The following TRPC4 variants were observed in gnomAD, a reference collection of about 807,000 sequenced individuals.
TRPC4 encodes the protein transient receptor potential cation channel subfamily C member 4.
A neutral mutation model predicts 99.4 loss-of-function variants in TRPC4; 49 were observed. That is an observed-to-expected ratio of 0.49 (90% confidence interval 0.39 to 0.63). TRPC4 has a LOEUF of 0.63. TRPC4 is among the 20% of genes least tolerant of loss of function. The pLI is 0.00. For missense variants in TRPC4, 898 were observed against 1,152.9 expected, an observed-to-expected ratio of 0.78 and a Z score of 3.20; for synonymous variants, 454 against 425.9, an observed-to-expected ratio of 1.07 and a Z score of -0.81.
chr13:37,729,109 T>G (rs1387174514), intron 3 of TRPC4, among the ~76,000 whole-genome samples: 1 of 152,032 alleles, frequency 6.6e-6, no homozygotes, highest in Non-Finnish European at 1.5e-5. Flanking sequence ...ATATTGGACT[T>G]GGCAATAATT....
At chr13:37,769,918 T>C (rs1205020403) in intron 2 of TRPC4, among the ~76,000 whole-genome samples, 1 of 151,452 alleles carries the variant, frequency 6.6e-6, no homozygotes, top group Non-Finnish European at 1.5e-5. Flanking sequence ...ATGAATTTTT[T>C]CTAATTTCTA....
At chr13:37,652,523 G>C (rs1252996327) in intron 7 of TRPC4, among the ~76,000 whole-genome samples, 1 of 152,204 alleles carries the variant, frequency 6.6e-6, no homozygotes, top group Non-Finnish European at 1.5e-5. Flanking sequence ...CAAATGTTTG[G>C]TAATATGGAT....
intron 1 of TRPC4, among the ~76,000 whole-genome samples, chr13:37,818,705 A>G (rs1225793122): frequency 1.3e-5 from 2 of 152,172 alleles, no homozygotes; most frequent in Non-Finnish European, 2.9e-5. Flanking sequence ...GCAGGAACAG[A>G]AAACCAAACA....
chr13:37,797,171 C>T (rs961351058), intron 1 of TRPC4, among the ~76,000 whole-genome samples: 5 of 151,100 alleles, frequency 3.3e-5, no homozygotes, highest in African/African-American at 4.9e-5. Context: ...CACAGCAAGA[C>T]CTGTCTTAAA....
intron 1 of TRPC4, among the ~76,000 whole-genome samples, chr13:37,795,506 G>A (rs77998628): frequency 6.6e-6 from 1 of 152,248 alleles, no homozygotes; most frequent in East Asian, 1.9e-4. Flanking sequence ...GCTCTATCAG[G>A]GGGGTAAGAA....
intron 1 of TRPC4, among the ~76,000 whole-genome samples, chr13:37,820,845 AG>A (rs1447341555): frequency 2.6e-5 from 4 of 152,134 alleles, no homozygotes; most frequent in Admixed American, 2.0e-4. Flanking sequence ...AATGGGCAAA[AG>A]CTAGAAGCAT....
intron 1 of TRPC4, among the ~76,000 whole-genome samples, chr13:37,785,742 G>A (rs1956954574): frequency 1.3e-5 from 2 of 151,900 alleles, no homozygotes; most frequent in Admixed American, 1.3e-4. Context: ...ATCAAATAAA[G>A]AATTAGGTAG....
chr13:37,846,752 TA>T, intron 1 of TRPC4, among the ~76,000 whole-genome samples: 1 of 152,066 alleles, frequency 6.6e-6, no homozygotes, highest in Middle Eastern at 3.4e-3. Context: ...AATTCTTCAA[TA>T]AAAAGACATA....
chr13:37,722,831 A>G (rs1954919376), intron 3 of TRPC4, among the ~76,000 whole-genome samples: 1 of 152,182 alleles, frequency 6.6e-6, no homozygotes, highest in Non-Finnish European at 1.5e-5. Flanking sequence ...AAAAAAGATG[A>G]ACATGACTAA....
rs868691629 is a variant in TRPC4, at chr13:37,716,116, C to T, written c.898-23781G>A. Among the ~76,000 whole-genome samples, 136 of 145,950 alleles carry T rather than the reference C, an allele frequency of 9.3e-4. 2 individuals carry two copies. Among genetic ancestry groups the T allele is most frequent in the Non-Finnish European group, 1.6e-3 (103 of 65,744 alleles). On this transcript the variant is annotated intron_variant, in intron 3 of 10. Transcript: ENST00000379705. ...AAGAGAAACATGAAAACTTTTTTTT[C>T]TCCTTGCTGCAAATCAAAAGCCAAG...
intron 1 of TRPC4, among the ~76,000 whole-genome samples, chr13:37,863,599 C>G (rs1959542116): frequency 6.6e-6 from 1 of 151,564 alleles, no homozygotes; most frequent in African/African-American, 2.4e-5. Flanking sequence ...TGATTCAGGG[C>G]ATGCAGCTTC....
chr13:37,758,019 A>G (rs1387633146), intron 2 of TRPC4, among the ~76,000 whole-genome samples: 2 of 151,966 alleles, frequency 1.3e-5, no homozygotes, highest in Non-Finnish European at 2.9e-5. Flanking sequence ...GTGGGCCTGT[A>G]TATTTCAGTT....
intron 2 of TRPC4, among the ~76,000 whole-genome samples, chr13:37,777,960 A>T (rs1050720454): frequency 6.6e-6 from 1 of 151,974 alleles, no homozygotes; most frequent in Non-Finnish European, 1.5e-5. Flanking sequence ...GCTTCTAATG[A>T]CTTTGTTATT....
intron 1 of TRPC4, among the ~76,000 whole-genome samples, chr13:37,819,046 G>A (rs1957941438): frequency 6.6e-6 from 1 of 151,736 alleles, no homozygotes; most frequent in South Asian, 2.1e-4. Context: ...TTTCAAAAAA[G>A]ACATAATTGT....
Position 37,714,593 on chromosome 13 carries a change from C to A in TRPC4, c.898-22258G>T, listed in dbSNP as rs76291775. Among the ~76,000 whole-genome samples, 22 of 152,260 alleles carry A rather than the reference C, an allele frequency of 1.4e-4. No homozygotes were observed. In the East Asian group the frequency reaches 4.3e-3, roughly 29 times the overall value. ...TAAAAACTAAAATTCTTAAAGAGGA[C>A]ACGCCCAATCTCACCTCTGCCTACT... On this transcript the variant is annotated intron_variant, in intron 3 of 10. Coordinates refer to ENST00000379705, the MANE Select transcript of TRPC4 (RefSeq NM_016179.4).
intron 1 of TRPC4, among the ~76,000 whole-genome samples, chr13:37,863,851 T>C (rs1959560623): frequency 6.6e-6 from 1 of 151,650 alleles, no homozygotes; most frequent in Non-Finnish European, 1.5e-5. Flanking sequence ...AATTCAATCA[T>C]CTATGCATTC....
chr13:37,644,872 C>CA (rs11446579), intron 8 of TRPC4, among the ~76,000 whole-genome samples: 22,323 of 81,448 alleles, frequency 0.27, 4,020 homozygotes, highest in East Asian at 0.66. Flanking sequence ...GACTCCATCT[C>CA]AAAAAAAAAA....
At chr13:37,722,958 C>T (rs550743224) in intron 3 of TRPC4, among the ~76,000 whole-genome samples, 1 of 152,182 alleles carries the variant, frequency 6.6e-6, no homozygotes, top group African/African-American at 2.4e-5. Flanking sequence ...TAGGTGTACA[C>T]AGAAGGGATA....
At chr13:37,667,235 A>C (rs143734969) in intron 5 of TRPC4, among the ~76,000 whole-genome samples, 1,727 of 152,256 alleles carry the variant, frequency 0.011, 41 homozygotes, top group African/African-American at 0.04. Context: ...TATTTCTCAG[A>C]TATAACTGCA....
Sources: gnomAD v4.1 joint callset for allele counts (sites outside exome capture counted in the v4.1 genomes callset) on GRCh38, gnomAD v4.1.1 for gene constraint, MANE v1.5 for transcripts, NCBI Gene and HGNC (gene_info 2026-07-23, HGNC 2026-07-21) for gene names.